CD163L1: variants seen among roughly 807,000 people sequenced by gnomAD.
The protein encoded by CD163L1 is scavenger receptor cysteine-rich type 1 protein M160.
CD163L1 carries 124 observed loss-of-function variants against 165.4 expected under a neutral mutation model. The ratio of observed to expected loss-of-function variants is 0.75; its 90% CI spans 0.65 to 0.87. The LOEUF is 0.87. CD163L1 is among the 40% of genes least tolerant of loss of function. CD163L1 has a pLI of 0.00. For synonymous variants in CD163L1, 585 were observed against 662.2 expected, an observed-to-expected ratio of 0.88 and a Z score of 1.79; for missense variants, 1,525 against 1,799.9, an observed-to-expected ratio of 0.85 and a Z score of 2.76.
At chr12:7,357,261 G>C (rs984195607) in intron 19 of CD163L1, 119 bp downstream of exon 19, 5 of 594,016 alleles carry the variant, frequency 8.4e-6, no homozygotes, top group South Asian at 6.8e-5. Flanking sequence ...TGAAATACTG[G>C]GGATATGAAC....
At chr12:7,364,759 T>C (rs1004244113) in intron 18 of CD163L1, among the ~76,000 whole-genome samples, 1 of 151,662 alleles carries the variant, frequency 6.6e-6, no homozygotes, top group Admixed American at 6.6e-5. Flanking sequence ...CAAAGAAAAC[T>C]ATAAAACACT....
intron 2 of CD163L1, chr12:7,439,487 G>C: frequency 1.3e-6 from 2 of 1,583,304 alleles, no homozygotes; most frequent in Non-Finnish European, 1.7e-6. Flanking sequence ...TTCTTTTTCA[G>C]ATCATCTGGG....
intron 3 of CD163L1, 139 bp downstream of exon 3, chr12:7,433,235 G>A (rs1948659175): frequency 1.6e-6 from 1 of 630,380 alleles, no homozygotes. Context: ...TGGAAATAAG[G>A]GAAGGGTAGA....
chr12:7,427,465 C>T (rs144214039), intron 4 of CD163L1, among the ~76,000 whole-genome samples: 36 of 152,100 alleles, frequency 2.4e-4, no homozygotes, highest in Admixed American at 1.6e-3. Context: ...AAAGCAGCTA[C>T]GAAGGTAGAT....
At chr12:7,333,536 C>A in the CD163L1 span, among the ~76,000 whole-genome samples, 1 of 152,062 alleles carries the variant, frequency 6.6e-6, no homozygotes, top group East Asian at 1.9e-4. Flanking sequence ...CAAGAGAAAG[C>A]AGGAAAGATC....
intron 1 of CD163L1, among the ~76,000 whole-genome samples, chr12:7,443,186 T>C (rs1045425958): frequency 1.3e-5 from 2 of 152,170 alleles, no homozygotes; most frequent in East Asian, 1.9e-4. Flanking sequence ...TTGAAAAATA[T>C]CAGAACTTCT....
intron 4 of CD163L1, among the ~76,000 whole-genome samples, chr12:7,409,095 A>G (rs1225403997): frequency 6.6e-6 from 1 of 152,216 alleles, no homozygotes; most frequent in Non-Finnish European, 1.5e-5. Context: ...CATTTTTCCA[A>G]GAAGAGATTA....
At chr12:7,399,064 CT>C (rs947248967) in intron 6 of CD163L1, among the ~76,000 whole-genome samples, 5 of 152,020 alleles carry the variant, frequency 3.3e-5, no homozygotes, top group African/African-American at 1.2e-4. Context: ...AAATAAATTC[CT>C]TTTTAATTCT....
Position 7,367,233 on chromosome 12 carries a change from G to A in CD163L1, c.4279+3C>T. Reference sequence around the variant, plus strand: ...GGAGTGCGGCCCCTGGAGTTGCACAGACCTGAGGTTCTTGTCCCATGTGGG... The same window carrying A: ...GGAGTGCGGCCCCTGGAGTTGCACAAACCTGAGGTTCTTGTCCCATGTGGG... On this transcript the variant is annotated splice_donor_region_variant and intron_variant, in intron 18 of 19. Coordinates refer to ENST00000313599, the MANE Select transcript of CD163L1 (RefSeq NM_174941.6). 1 of 1,605,694 alleles carries A rather than the reference G, an allele frequency of 6.2e-7. No homozygotes were observed. Among genetic ancestry groups the A allele is most frequent in the Non-Finnish European group, 8.5e-7 (1 of 1,172,856 alleles).
At chr12:7,371,968 T>G (rs1478633126) in intron 14 of CD163L1, among the ~76,000 whole-genome samples, 2 of 152,056 alleles carry the variant, frequency 1.3e-5, no homozygotes, top group Non-Finnish European at 2.9e-5. Context: ...ATAGGTGATA[T>G]CTGTGTTTTT....
chr12:7,341,234 TTC>T, the CD163L1 span, among the ~76,000 whole-genome samples: 2 of 152,168 alleles, frequency 1.3e-5, no homozygotes, highest in Non-Finnish European at 2.9e-5. Context: ...TCTATTTATT[TTC>T]TGTTTGTTAT....
At chr12:7,393,423 C>G (rs1037517221) in intron 8 of CD163L1, among the ~76,000 whole-genome samples, 11 of 152,250 alleles carry the variant, frequency 7.2e-5, no homozygotes, top group Admixed American at 4.6e-4. Context: ...GAACGTATCT[C>G]AAAATAATAA....
At chr12:7,381,961 AAT>A (rs201644387) in intron 8 of CD163L1, among the ~76,000 whole-genome samples, 3,380 of 146,286 alleles carry the variant, frequency 0.023, 47 homozygotes, top group South Asian at 0.066. Flanking sequence ...GAATTAAAAA[AAT>A]ATATATTTAT....
intron 8 of CD163L1, among the ~76,000 whole-genome samples, chr12:7,394,865 C>T (rs374336309): frequency 2.0e-5 from 3 of 152,080 alleles, no homozygotes; most frequent in South Asian, 2.1e-4. Context: ...ACTGGCCATC[C>T]GAGAAATGCA....
chr12:7,412,189 T>C (rs1442162524), intron 4 of CD163L1, among the ~76,000 whole-genome samples: 1 of 152,238 alleles, frequency 6.6e-6, no homozygotes. Flanking sequence ...CAATTCATTT[T>C]ACTAGGAACA....
the CD163L1 span, chr12:7,324,325 G>C: frequency 6.2e-7 from 1 of 1,613,930 alleles, no homozygotes; most frequent in African/African-American, 1.3e-5. Flanking sequence ...TATGTCACTG[G>C]AGACAGAGGA....
chr12:7,369,347 T>C lies in CD163L1; in HGVS notation c.4039+10A>G. ...GAGGCTCAGTTTAAGTGCAGCCTTT[T>C]CACACTTACCAGAGCACCTCACGCC... On this transcript the variant is annotated intron_variant, in intron 15 of 19. Transcript: ENST00000313599. This position sits in a 1 kb window ranked among gnomAD's most constrained non-coding sequence, Gnocchi z 4.9. The C allele has an allele frequency of 6.2e-7, 1 of 1,611,870 alleles. No homozygotes were observed. Among genetic ancestry groups the C allele is most frequent in the Non-Finnish European group, 8.5e-7 (1 of 1,178,488 alleles).
chr12:7,359,123 A>T (rs1011806094), intron 18 of CD163L1, among the ~76,000 whole-genome samples: 1 of 152,126 alleles, frequency 6.6e-6, no homozygotes, highest in African/African-American at 2.4e-5. Context: ...GATGTAACAG[A>T]CATACAATAG....
At chr12:7,342,771 C>G (rs1946645821), downstream of CD163L1, among the ~76,000 whole-genome samples, 1 of 152,174 alleles carries the variant, frequency 6.6e-6, no homozygotes, top group African/African-American at 2.4e-5. Flanking sequence ...GTAGCTGGGA[C>G]TACAGGCAAG....
Sources: gnomAD v4.1 joint callset for allele counts (sites outside exome capture counted in the v4.1 genomes callset) on GRCh38, gnomAD v4.1.1 for gene constraint, Gnocchi (gnomAD v3.1) non-coding constraint, MANE v1.5 for transcripts, NCBI Gene and HGNC (gene_info 2026-07-23, HGNC 2026-07-21) for gene names.